The following UBE2K variants were observed in gnomAD, a reference collection of about 807,000 sequenced individuals.
UBE2K encodes ubiquitin conjugating enzyme E2 K.
Under a neutral mutation model 30.0 loss-of-function variants are expected in UBE2K, and 6 were observed. The observed-to-expected ratio is 0.20, with a 90% CI of 0.11 to 0.39. The LOEUF (loss-of-function observed/expected upper bound fraction) is 0.39. UBE2K is among the 10% of genes least tolerant of loss of function. The pLI is 1.00. For synonymous variants in UBE2K, 86 were observed against 83.7 expected (o/e 1.03, Z -0.15); for missense variants, 61 against 241.6 (o/e 0.25, Z 4.96).
chr4:39,751,810 T>C (rs904533651), intron 3 of UBE2K, among the ~76,000 whole-genome samples: 2 of 151,562 alleles, frequency 1.3e-5, no homozygotes, highest in African/African-American at 4.9e-5. Context: ...TACTAAAAAA[T>C]AGAAAAATTA....
intron 1 of UBE2K, among the ~76,000 whole-genome samples, chr4:39,699,372 C>A (rs1717882334): frequency 6.6e-6 from 1 of 152,166 alleles, no homozygotes; most frequent in African/African-American, 2.4e-5. Flanking sequence ...TACATTGTTT[C>A]ATCTCCTTAT....
intron 1 of UBE2K, among the ~76,000 whole-genome samples, chr4:39,736,847 C>G (rs1720407789): frequency 6.6e-6 from 1 of 152,170 alleles, no homozygotes; most frequent in South Asian, 2.1e-4. Flanking sequence ...ATTTAGTCCT[C>G]TGGAATTTTT....
At chr4:39,726,112 C>T (rs7657535) in intron 1 of UBE2K, among the ~76,000 whole-genome samples, 2,843 of 152,128 alleles carry the variant, frequency 0.019, 98 homozygotes, top group African/African-American at 0.064. Flanking sequence ...GGTTTGCCAG[C>T]GTTTTTGGTG....
intron 1 of UBE2K, among the ~76,000 whole-genome samples, chr4:39,718,729 G>A (rs960409800): frequency 6.6e-6 from 1 of 152,246 alleles, no homozygotes; most frequent in African/African-American, 2.4e-5. Flanking sequence ...CGCATCCTCC[G>A]CAGCTGCTGG....
intron 4 of UBE2K, chr4:39,761,037 T>A (rs986382352): frequency 6.6e-6 from 1 of 152,300 alleles, no homozygotes; most frequent in Non-Finnish European, 1.5e-5. Flanking sequence ...TCCCAGCTAC[T>A]CAGGAGGCTG....
At chr4:39,750,580 T>A (rs377620191) in intron 3 of UBE2K, among the ~76,000 whole-genome samples, 259 of 152,280 alleles carry the variant, frequency 1.7e-3, no homozygotes, top group African/African-American at 5.8e-3. Context: ...TCTTAATAGA[T>A]ACAGGGTCTT....
intron 4 of UBE2K, among the ~76,000 whole-genome samples, chr4:39,773,631 CAAG>C (rs1713072522): frequency 6.6e-6 from 1 of 151,220 alleles, no homozygotes; most frequent in Non-Finnish European, 1.5e-5. Context: ...ATAAAACTAA[CAAG>C]AAGGTGGCTG....
intron 3 of UBE2K, among the ~76,000 whole-genome samples, chr4:39,754,322 G>A (rs975540959): frequency 5.3e-5 from 8 of 152,196 alleles, no homozygotes; most frequent in Middle Eastern, 3.4e-3. Flanking sequence ...CAAGAATGAA[G>A]GAATGGAAAG....
intron 4 of UBE2K, among the ~76,000 whole-genome samples, chr4:39,774,037 C>T (rs1713118654): frequency 6.6e-6 from 1 of 152,164 alleles, no homozygotes; most frequent in Non-Finnish European, 1.5e-5. Flanking sequence ...GTAGCTCACA[C>T]CTGTAACCCT....
intron 3 of UBE2K, among the ~76,000 whole-genome samples, chr4:39,751,456 T>C (rs190302010): frequency 1.3e-5 from 2 of 151,716 alleles, no homozygotes; most frequent in Non-Finnish European, 1.5e-5. Flanking sequence ...GTGGATCACT[T>C]GAGCCCAAGA....
At chr4:39,720,202 G>A (rs1027179546) in intron 1 of UBE2K, among the ~76,000 whole-genome samples, 1 of 152,180 alleles carries the variant, frequency 6.6e-6, no homozygotes, top group Non-Finnish European at 1.5e-5. Context: ...TGATAAAGGT[G>A]GCCTCCAGGT....
chr4:39,771,473 C>G (rs1182215350), intron 4 of UBE2K: 2 of 1,522,148 alleles, frequency 1.3e-6, no homozygotes, highest in Non-Finnish European at 1.8e-6. Context: ...CGGTTCCGCG[C>G]GCTGTTTTTT....
At position 39,779,182 on chromosome 4, in the gene UBE2K, G is replaced by C. The variant is rs776737340; in HGVS notation, c.*748G>C. ...CGTAGGTTTGGAATGTCTTGTCCCA[G>C]TTCTTCAAACACTCTTAAATTTTTC... is the stretch of plus-strand genomic sequence containing the variant. On this transcript the variant is annotated 3_prime_UTR_variant, in exon 7 of 7. Coordinates refer to ENST00000261427, the MANE Select transcript of UBE2K (RefSeq NM_005339.5). 1.3e-5 allele frequency: 2 copies of C among 151,998 alleles called. No individual in the cohort carries two copies. Among genetic ancestry groups the C allele is most frequent in the East Asian group, 3.9e-4 (2 of 5,194 alleles). 9.4% of individuals were successfully genotyped at this position (151,998 alleles called of 1,614,324 possible).
intron 3 of UBE2K, among the ~76,000 whole-genome samples, chr4:39,747,823 A>T (rs1180427772): frequency 6.9e-6 from 1 of 145,634 alleles, no homozygotes; most frequent in East Asian, 2.0e-4. Context: ...TTTTTTTGAG[A>T]TGGAGTCTCG....
chr4:39,770,524 C>T (rs1328001763), intron 4 of UBE2K: 4 of 1,604,204 alleles, frequency 2.5e-6, no homozygotes, highest in Non-Finnish European at 3.4e-6. Flanking sequence ...CTGCCCCCCG[C>T]CCCCCGGGCA....
In UBE2K at chr4:39,770,428, C is replaced by T. The variant is rs182972416; in HGVS notation, c.300-4406C>T. On this transcript the variant is annotated intron_variant, in intron 4 of 6. Transcript: ENST00000261427. ...CGCATGTGGAAGACCAGCTTCTCCA[C>T]GCCCTGGAACACTTCCGGGCACTTG... 8 of 1,612,442 alleles carry T rather than the reference C, an allele frequency of 5.0e-6. 1 individual carries two copies. The highest frequency in any genetic ancestry group is 4.0e-5 in the African/African-American group (3 of 75,042).
In UBE2K at chr4:39,739,562, T is replaced by A. The variant is rs533972296; in HGVS notation, c.157+2049T>A. ...CCCGGGTTCAAGCAATTCTCCTGCC[T>A]CAGCCTCCCGAGTAGCTGGTACTAC... On this transcript the variant is annotated intron_variant, in intron 2 of 6. Coordinates refer to ENST00000261427, the MANE Select transcript of UBE2K (RefSeq NM_005339.5). 4.7e-5 allele frequency among the ~76,000 whole-genome samples: 7 copies of A among 148,276 alleles called. No individual in the cohort carries two copies. The South Asian group carries it at 1.5e-3, about 33-fold the overall frequency.
chr4:39,732,182 C>T lies in UBE2K; in HGVS notation c.64-5238C>T, dbSNP rs190362175. On this transcript the variant is annotated intron_variant, in intron 1 of 6. Transcript: ENST00000261427. ...TTCTATATACTTTATTCGTTAAATT[C>T]ACCAGCGAACCCTATGAGGAACTAT... 1.4e-4 allele frequency among the ~76,000 whole-genome samples: 21 copies of T among 152,280 alleles called. No individual in the cohort carries two copies. The East Asian group carries it at 2.9e-3, about 21-fold the overall frequency.
chr4:39,766,192 G>GTT (rs59921214), intron 4 of UBE2K, among the ~76,000 whole-genome samples: 18 of 149,850 alleles, frequency 1.2e-4, no homozygotes, highest in Middle Eastern at 3.4e-3. Context: ...TTTGTTTTTT[G>GTT]TTTTTTTTTG....
Sources: allele counts gnomAD v4.1 joint callset (sites outside exome capture counted in the v4.1 genomes callset), GRCh38; gene constraint gnomAD v4.1.1; transcripts MANE v1.5; gene names NCBI Gene and HGNC (gene_info 2026-07-23, HGNC 2026-07-21).